LBHD1: variants seen among roughly 807,000 people sequenced by gnomAD.
The protein encoded by LBHD1 is LBH domain containing 1.
LBHD1 carries 28 observed loss-of-function variants against 31.1 expected under a neutral mutation model. That is an observed-to-expected ratio of 0.90 (90% CI 0.67 to 1.24). The LOEUF (loss-of-function observed/expected upper bound fraction) is 1.24. Ranked by LOEUF, LBHD1 falls within the 50% of genes most tolerant of loss-of-function variation. LBHD1 has a pLI of 0.00. For missense variants in LBHD1, 350 were observed against 323.0 expected (o/e 1.08, Z -0.64); for synonymous variants, 105 against 116.5 (o/e 0.90, Z 0.63).
chr11:62,665,065 T>C (rs770988874), intron 4 of LBHD1, 92 bp from the exon 5 acceptor site: 5 of 1,562,510 alleles, frequency 3.2e-6, no homozygotes, highest in Non-Finnish European at 4.3e-6. Context: ...ACTGATCCCA[T>C]CTCGTGCGAG....
chr11:62,668,003 A>G (rs1295640201), intron 3 of LBHD1: 2 of 386,642 alleles, frequency 5.2e-6, no homozygotes, highest in Non-Finnish European at 9.4e-6. Context: ...TGGGAGGTCA[A>G]AGCTGCAATG....
rs758552019 is a variant in LBHD1, at chr11:62,669,657, G to A, written c.297C>T (p.Asp99=). The A allele has an allele frequency of 1.2e-6, 2 of 1,613,744 alleles. No homozygotes were observed. Among genetic ancestry groups the A allele is most frequent in the East Asian group, 2.2e-5 (1 of 44,874 alleles). ...CTCCCTCACCTGGCTCTTCACTTTG[G>A]TCTTGGAAGAAGGCCTCAGCATCCT... ...EEEDAEAFFQ[D]QSEEPGWAWS... Residue 99 remains aspartate, a synonymous_variant, in exon 3 of 7, where the codon GAC becomes GAT. Transcript: ENST00000354588.
At position 62,666,394 on chromosome 11, in the gene LBHD1, A is replaced by AT. The variant is rs1944812873; in HGVS notation, c.538+1128_538+1129insA. On this transcript the variant is annotated intron_variant, in intron 4 of 6. Transcript: ENST00000354588. ...AGTGACACCCTCCAACCGTGCCCAC[A>AT]GGCTCACTGGCTGATAGTTGCCTGG... The AT allele has an allele frequency of 1.9e-6, 3 of 1,607,864 alleles. No individual in the cohort carries two copies. The Admixed American group carries it at 5.0e-5, about 27-fold the overall frequency.
intron 4 of LBHD1, chr11:62,665,820 G>A: frequency 6.3e-7 from 1 of 1,587,728 alleles, no homozygotes; most frequent in Non-Finnish European, 8.6e-7. Flanking sequence ...GGCCTCTCCG[G>A]CTGGAGTAGG....
chr11:62,665,155 C>A lies in LBHD1; in HGVS notation c.539-182G>T, dbSNP rs1185885538. ...CCGTTCGGGGCCGGTTGATCTTTCC[C>A]CCCGGAGCTCCCATAGTCGCGATTC... is the stretch of plus-strand genomic sequence containing the variant. On this transcript the variant is annotated intron_variant, in intron 4 of 6. Coordinates refer to ENST00000354588, the MANE Select transcript of LBHD1 (RefSeq NM_024099.5). 4.4e-6 allele frequency: 4 copies of A among 915,800 alleles called. No individual in the cohort carries two copies. The East Asian group carries it at 1.0e-4, about 24-fold the overall frequency. 56.7% of individuals were successfully genotyped at this position (915,800 alleles called of 1,614,324 possible). A position where few individuals can be genotyped will look rare whatever the true frequency, so the allele number is the denominator to read the frequency against.
intron 1 of LBHD1, 63 bp from the exon 2 acceptor site, chr11:62,670,104 G>C (rs1237836683): frequency 1.7e-5 from 25 of 1,492,124 alleles, no homozygotes. Context: ...CCCACAAACT[G>C]TTCCTTTAAT....
At chr11:62,669,077 C>T (rs909900986) in intron 3 of LBHD1, among the ~76,000 whole-genome samples, 6 of 151,822 alleles carry the variant, frequency 4.0e-5, no homozygotes, top group Admixed American at 1.3e-4. Flanking sequence ...CCCGCCACCA[C>T]GCCCGGCTAA....
chr11:62,669,765 C>T lies in LBHD1; in HGVS notation c.189G>A (p.Val63=). 6.2e-7 allele frequency: 1 copy of T among 1,614,160 alleles called. No individual in the cohort carries two copies. The highest frequency in any genetic ancestry group is 8.5e-7 in the Non-Finnish European group (1 of 1,180,018). ...TCTCTTCATTCACCTCACTGGATTC[C>T]ACCACAATAGACGGCAGATGGGACT... The part of the protein sequence containing the change: ...SQKSHLPSIV[V]ESSEVNEESG... Residue 63 remains valine, a synonymous_variant, in exon 3 of 7, where the codon GTG becomes GTA. Coordinates refer to ENST00000354588, the MANE Select transcript of LBHD1 (RefSeq NM_024099.5).
Position 62,672,115 on chromosome 11 carries a change from G to C in LBHD1, c.-562C>G. ...CGGCGCCGGCGGGAGGTCACCGTGA[G>C]ACCGGACTTGCCTCCGTGGGCGCCG... is the stretch of plus-strand genomic sequence containing the variant. On this transcript the variant is annotated 5_prime_UTR_variant, in exon 1 of 7. Coordinates refer to ENST00000354588, the MANE Select transcript of LBHD1 (RefSeq NM_024099.5). The C allele has an allele frequency of 6.4e-7, 1 of 1,570,012 alleles. No homozygotes were observed.
chr11:62,668,912 T>A (rs1007266964), intron 3 of LBHD1, among the ~76,000 whole-genome samples: 10 of 151,940 alleles, frequency 6.6e-5, no homozygotes, highest in Non-Finnish European at 1.0e-4. Context: ...AGGTAGTTGG[T>A]CTTGGGGTAA....
At chr11:62,665,150 T>C (rs1427454677) in intron 4 of LBHD1, 177 bp from the exon 5 acceptor site, 5 of 971,054 alleles carry the variant, frequency 5.1e-6, no homozygotes, top group South Asian at 4.1e-5. Flanking sequence ...CCGGTTGATC[T>C]TTCCCCCCGG....
At chr11:62,664,492 G>A (rs1196321600) in intron 5 of LBHD1, among the ~76,000 whole-genome samples, 1 of 151,764 alleles carries the variant, frequency 6.6e-6, no homozygotes, top group African/African-American at 2.4e-5. Context: ...CACAACGCCT[G>A]GCTAATTTTT....
chr11:62,665,263 C>CG, intron 4 of LBHD1: 7 of 745,462 alleles, frequency 9.4e-6, no homozygotes, highest in South Asian at 7.4e-5. Context: ...AATCGCAACT[C>CG]GGGGGCGGGT....
At chr11:62,666,145 G>T in intron 4 of LBHD1, 1 of 737,234 alleles carries the variant, frequency 1.4e-6, no homozygotes. Flanking sequence ...CCAGGAGTTC[G>T]AGACCAACCT....
At chr11:62,668,598 T>TA (rs1356592167) in intron 3 of LBHD1, 1 of 148,900 alleles carries the variant, frequency 6.7e-6, no homozygotes, top group African/African-American at 2.5e-5. Flanking sequence ...GATCACAAGG[T>TA]AAGGAGATCC....
At chr11:62,664,069 T>C (rs1278531359) in intron 5 of LBHD1, among the ~76,000 whole-genome samples, 5 of 121,314 alleles carry the variant, frequency 4.1e-5, no homozygotes, top group African/African-American at 1.6e-4. Flanking sequence ...GGAGACTCTG[T>C]CTCAAAAAAG....
chr11:62,668,029 C>T, intron 3 of LBHD1: 1 of 311,060 alleles, frequency 3.2e-6, no homozygotes, highest in Non-Finnish European at 6.0e-6. Flanking sequence ...TGATAAGCTG[C>T]TGCACTTGAG....
At position 62,662,927 on chromosome 11, in the gene LBHD1, G is replaced by C. The variant is rs878856688; in HGVS notation, c.*202C>G. 13 of 737,028 alleles carry C rather than the reference G, an allele frequency of 1.8e-5. No homozygotes were observed. The highest frequency in any genetic ancestry group is 1.7e-4 in the South Asian group (9 of 53,202). 45.7% of individuals were successfully genotyped at this position (737,028 alleles called of 1,614,324 possible). ...AAAGACATCCCTCTAGGGGAGGTCA[G>C]TAGGCCATTAGGTAGGAGGAAATCT... On this transcript the variant is annotated 3_prime_UTR_variant, in exon 7 of 7. Coordinates refer to ENST00000354588, the MANE Select transcript of LBHD1 (RefSeq NM_024099.5).
rs1944957625 is a variant in LBHD1 at position 62,672,174 on chromosome 11, C to CT, written c.-622dup. The stretch of plus-strand genomic sequence containing the variant: ...CTTGGGCGCAGGAATCCGAGGCAGC[C>CT]TTTCTCCTTCGTGGGCCCAGCGGAG... On this transcript the variant is annotated 5_prime_UTR_variant, in exon 1 of 7. It removes the in-frame stop codon of an upstream open reading frame in the 5' UTR. Transcript: ENST00000354588. 4.7e-6 allele frequency: 7 copies of CT among 1,499,212 alleles called. No homozygotes were observed. In the East Asian group the frequency reaches 1.5e-4, roughly 32 times the overall value. The allele number at this position is 1,499,212 out of a possible 1,614,324, so 92.9% of individuals were successfully genotyped here.
Sources: gnomAD v4.1 joint callset for allele counts (sites outside exome capture counted in the v4.1 genomes callset) on GRCh38, gnomAD v4.1.1 for gene constraint, MANE v1.5 for transcripts, NCBI Gene and HGNC (gene_info 2026-07-23, HGNC 2026-07-21) for gene names.